The following CCSER2 variants were observed in gnomAD, a reference collection of about 807,000 sequenced individuals.
The protein encoded by CCSER2 is coiled-coil serine rich protein 2, also known as serine-rich coiled-coil domain-containing protein 2.
In CCSER2, 46 loss-of-function variants were observed where a neutral mutation model predicts 92.3. The observed-to-expected ratio is 0.50, with a 90% CI of 0.39 to 0.64. CCSER2 has a LOEUF of 0.64. Among genes scored for constraint, CCSER2 ranks in the 30% least tolerant of loss-of-function variants. CCSER2 has a pLI of 0.00. For missense variants in CCSER2, 1,244 were observed against 1,238.9 expected (o/e 1.00, Z -0.06); for synonymous variants, 433 against 431.4 (o/e 1.00, Z -0.04).
At chr10:84,453,758 G>T (rs1410048662) in intron 6 of CCSER2, among the ~76,000 whole-genome samples, 1 of 152,060 alleles carries the variant, frequency 6.6e-6, no homozygotes, top group African/African-American at 2.4e-5. Context: ...TCAGGCTATT[G>T]TATCAGGTAT....
intron 7 of CCSER2, among the ~76,000 whole-genome samples, chr10:84,468,788 A>G (rs975600945): frequency 4.0e-5 from 6 of 151,652 alleles, no homozygotes; most frequent in African/African-American, 1.4e-4. Context: ...TTTCTTTCAT[A>G]TAGATTCCTA....
At chr10:84,491,865 T>C (rs1207570429) in intron 9 of CCSER2, among the ~76,000 whole-genome samples, 3 of 152,216 alleles carry the variant, frequency 2.0e-5, no homozygotes, top group Admixed American at 2.0e-4. Flanking sequence ...GCTGTTCCTA[T>C]TCGGCCATCT....
chr10:84,464,417 A>G (rs563136722), intron 7 of CCSER2, among the ~76,000 whole-genome samples: 6 of 113,550 alleles, frequency 5.3e-5, no homozygotes, highest in Non-Finnish European at 1.1e-4. Context: ...ATACAGATGT[A>G]TTTTTGTGAG....
At chr10:84,353,395 T>C (rs1217900920) in intron 1 of CCSER2, among the ~76,000 whole-genome samples, 3 of 152,244 alleles carry the variant, frequency 2.0e-5, no homozygotes, top group African/African-American at 7.2e-5. Context: ...TGCTAGATGC[T>C]GAGTATTAAA....
At chr10:84,508,295 G>A (rs1433508116) in intron 9 of CCSER2, among the ~76,000 whole-genome samples, 1 of 152,166 alleles carries the variant, frequency 6.6e-6, no homozygotes, top group Non-Finnish European at 1.5e-5. Context: ...GGAAAGAAGG[G>A]AACGCTGTTC....
chr10:84,332,516 G>A (rs1370363011), intron 1 of CCSER2, among the ~76,000 whole-genome samples: 4 of 135,676 alleles, frequency 2.9e-5, no homozygotes, highest in Admixed American at 8.3e-5. Context: ...TCGGCTCACT[G>A]CAACCTCTGC....
At chr10:84,513,325 G>T in intron 9 of CCSER2, 124 bp from the exon 10 acceptor site, 1 of 733,900 alleles carries the variant, frequency 1.4e-6, no homozygotes, top group East Asian at 2.7e-5. Flanking sequence ...TTAATTAAAA[G>T]AAACTCCACA....
chr10:84,481,252 C>A (rs1847440604), intron 9 of CCSER2, among the ~76,000 whole-genome samples: 1 of 152,136 alleles, frequency 6.6e-6, no homozygotes, highest in Admixed American at 6.5e-5. Context: ...ATGTTATGAC[C>A]ATTCCTGTTA....
intron 6 of CCSER2, among the ~76,000 whole-genome samples, chr10:84,462,171 A>T (rs1846138130): frequency 6.6e-6 from 1 of 152,188 alleles, no homozygotes; most frequent in Admixed American, 6.5e-5. Flanking sequence ...TGAACCGATG[A>T]ATTTACAACA....
intron 3 of CCSER2, among the ~76,000 whole-genome samples, chr10:84,400,476 TG>T (rs1842060810): frequency 6.6e-6 from 1 of 152,180 alleles, no homozygotes; most frequent in African/African-American, 2.4e-5. Flanking sequence ...CAGCCTCTTT[TG>T]TTTTTTTCCT....
intron 9 of CCSER2, among the ~76,000 whole-genome samples, chr10:84,487,018 T>C (rs1354687289): frequency 6.6e-6 from 1 of 152,238 alleles, no homozygotes; most frequent in Non-Finnish European, 1.5e-5. Context: ...CCCCATTTCT[T>C]GTTTTTCTCA....
At chr10:84,333,969 A>G (rs1843705447) in intron 1 of CCSER2, among the ~76,000 whole-genome samples, 1 of 152,226 alleles carries the variant, frequency 6.6e-6, no homozygotes, top group African/African-American at 2.4e-5. Context: ...GAGTGAATAT[A>G]GGATGAAATA....
chr10:84,502,638 T>A (rs1227567942), intron 9 of CCSER2, among the ~76,000 whole-genome samples: 1 of 152,080 alleles, frequency 6.6e-6, no homozygotes, highest in Non-Finnish European at 1.5e-5. Flanking sequence ...CCCAAAGTGC[T>A]GGGATTACAG....
intron 6 of CCSER2, among the ~76,000 whole-genome samples, chr10:84,458,024 G>A (rs974908338): frequency 1.3e-5 from 2 of 152,020 alleles, no homozygotes; most frequent in South Asian, 2.1e-4. Context: ...TGGGATTACA[G>A]GTGTGAGAGC....
chr10:84,407,951 A>C (rs1373084758), intron 3 of CCSER2, among the ~76,000 whole-genome samples: 1 of 152,082 alleles, frequency 6.6e-6, no homozygotes, highest in African/African-American at 2.4e-5. Context: ...ACTGGTTCAC[A>C]ATGGTTTGCA....
chr10:84,331,430 G>A (rs761692884), intron 1 of CCSER2, among the ~76,000 whole-genome samples: 1 of 152,190 alleles, frequency 6.6e-6, no homozygotes, highest in Non-Finnish European at 1.5e-5. Context: ...TTTAACTTCA[G>A]TGCTTGGGGC....
chr10:84,403,782 A>G (rs1210639542), intron 3 of CCSER2, among the ~76,000 whole-genome samples: 1 of 152,218 alleles, frequency 6.6e-6, no homozygotes, highest in Non-Finnish European at 1.5e-5. Context: ...AATGCTAGTG[A>G]AAATGCCGAG....
chr10:84,457,127 GCTTT>G (rs1845671887), intron 6 of CCSER2, among the ~76,000 whole-genome samples: 1 of 143,556 alleles, frequency 7.0e-6, no homozygotes, highest in South Asian at 2.1e-4. Context: ...CTTTAAAAAG[GCTTT>G]CTATGAGTTA....
At chr10:84,354,421 T>C (rs1845044136) in intron 1 of CCSER2, among the ~76,000 whole-genome samples, 1 of 152,134 alleles carries the variant, frequency 6.6e-6, no homozygotes, top group Non-Finnish European at 1.5e-5. Flanking sequence ...ATTATTCTTT[T>C]TGGTTCTTAG....
Sources: allele counts gnomAD v4.1 joint callset (sites outside exome capture counted in the v4.1 genomes callset), GRCh38; gene constraint gnomAD v4.1.1; transcripts MANE v1.5; gene names NCBI Gene and HGNC (gene_info 2026-07-23, HGNC 2026-07-21).